Variants in HRH1 observed in about 807,000 individuals in gnomAD.
HRH1 encodes the protein histamine H1 receptor.
In HRH1, 6 loss-of-function variants were observed where a neutral mutation model predicts 10.3. The ratio of observed to expected loss-of-function variants is 0.58; its 90% CI spans 0.32 to 1.15. HRH1 has a LOEUF of 1.15. Ranked by LOEUF, HRH1 falls within the 50% of genes most tolerant of loss-of-function variation. The pLI, the probability that HRH1 is intolerant of heterozygous loss-of-function variation, is 0.05. For missense variants in HRH1, 514 were observed against 615.3 expected (o/e 0.84, Z 1.74); for synonymous variants, 242 against 236.7 (o/e 1.02, Z -0.21).
Position 11,234,147 on chromosome 3 carries a change from T to A in HRH1, c.-35-24856T>A, listed in dbSNP as rs1226958693. 3.2e-5 allele frequency: 22 copies of A among 687,316 alleles called. No individual in the cohort carries two copies. In the East Asian group the frequency reaches 3.5e-4, roughly 11 times the overall value. 42.6% of individuals were successfully genotyped at this position (687,316 alleles called of 1,614,324 possible). ...AAATAAGTTATTTTGTATATTACAG[T>A]GCACAGGACAACAGAGGGAAAGACA... On this transcript the variant is annotated intron_variant, in intron 1 of 1. Coordinates refer to ENST00000431010, the MANE Select transcript of HRH1 (RefSeq NM_001098212.2).
At chr3:11,156,778 G>A (rs1936811961) in intron 1 of HRH1, among the ~76,000 whole-genome samples, 1 of 152,212 alleles carries the variant, frequency 6.6e-6, no homozygotes, top group Non-Finnish European at 1.5e-5. Context: ...CATTGTTGTT[G>A]TTGCTATTAA....
chr3:11,206,753 T>C (rs1938143013), intron 1 of HRH1, among the ~76,000 whole-genome samples: 1 of 152,220 alleles, frequency 6.6e-6, no homozygotes, highest in African/African-American at 2.4e-5. Flanking sequence ...TGTTAAGCCT[T>C]CTATTCAACC....
chr3:11,238,766 TA>T (rs1490709144), intron 1 of HRH1, among the ~76,000 whole-genome samples: 2 of 152,252 alleles, frequency 1.3e-5, no homozygotes, highest in Non-Finnish European at 2.9e-5. Context: ...ACGTTTCATA[TA>T]AATGGAATCA....
chr3:11,194,803 C>T (rs769162749), intron 1 of HRH1, among the ~76,000 whole-genome samples: 5 of 152,216 alleles, frequency 3.3e-5, no homozygotes, highest in African/African-American at 4.8e-5. Context: ...CGACAGAGCG[C>T]GACTCTGTCT....
chr3:11,153,204 T>C (rs1936685678), upstream of HRH1, among the ~76,000 whole-genome samples: 1 of 152,180 alleles, frequency 6.6e-6, no homozygotes, highest in African/African-American at 2.4e-5. Flanking sequence ...TGCCTTCATT[T>C]TCTCACCTGT....
At chr3:11,226,168 G>T (rs1938874121) in intron 1 of HRH1, 1 of 152,124 alleles carries the variant, frequency 6.6e-6, no homozygotes, top group Non-Finnish European at 1.5e-5. Flanking sequence ...ATGGGTCGAA[G>T]GTATTGACAT....
At chr3:11,177,935 C>T (rs566930520) in intron 1 of HRH1, among the ~76,000 whole-genome samples, 4 of 152,320 alleles carry the variant, frequency 2.6e-5, no homozygotes, top group East Asian at 3.9e-4. Context: ...CCCCACCTCC[C>T]TCTGAAGAGA....
chr3:11,244,503 G>C (rs1291894386), intron 1 of HRH1, among the ~76,000 whole-genome samples: 1 of 152,210 alleles, frequency 6.6e-6, no homozygotes, highest in African/African-American at 2.4e-5. Flanking sequence ...GGTACAGGAT[G>C]GTGGTGCTCA....
chr3:11,241,894 C>T (rs987808701), intron 1 of HRH1, among the ~76,000 whole-genome samples: 6 of 147,878 alleles, frequency 4.1e-5, no homozygotes, highest in East Asian at 2.1e-4. Context: ...CACCAATCAG[C>T]GCTCTGTAAA....
intron 1 of HRH1, among the ~76,000 whole-genome samples, chr3:11,169,551 C>T (rs937986729): frequency 3.9e-5 from 6 of 152,130 alleles, no homozygotes; most frequent in Non-Finnish European, 5.9e-5. Context: ...GGGACAAAGG[C>T]TGGCTGGGGC....
At chr3:11,234,682 G>C in intron 1 of HRH1, 1 of 1,143,718 alleles carries the variant, frequency 8.7e-7, no homozygotes, top group Non-Finnish European at 1.3e-6. Context: ...GTAGGACATG[G>C]CTGCAGCCCT....
intron 1 of HRH1, among the ~76,000 whole-genome samples, chr3:11,220,152 A>G (rs996833090): frequency 9.2e-5 from 14 of 152,026 alleles, no homozygotes; most frequent in Admixed American, 8.5e-4. Context: ...ACCTCCTAGC[A>G]TTGTGGTGGG....
At chr3:11,161,527 T>G (rs1437540108) in intron 1 of HRH1, among the ~76,000 whole-genome samples, 1 of 152,196 alleles carries the variant, frequency 6.6e-6, no homozygotes, top group Non-Finnish European at 1.5e-5. Flanking sequence ...ATGGGAAGCC[T>G]GGTTTTCTTT....
chr3:11,144,962 A>C (rs1936401897), intron 1 of HRH1, among the ~76,000 whole-genome samples: 1 of 152,142 alleles, frequency 6.6e-6, no homozygotes, highest in African/African-American at 2.4e-5. Context: ...GCAAGAACCC[A>C]TGAGTTTCCT....
intron 1 of HRH1, among the ~76,000 whole-genome samples, chr3:11,179,259 G>A (rs748205385): frequency 1.3e-5 from 2 of 151,920 alleles, no homozygotes; most frequent in African/African-American, 2.4e-5. Context: ...CTGCACTCCA[G>A]CCTGGGCTAC....
chr3:11,148,866 T>G (rs1374233266), intron 1 of HRH1, among the ~76,000 whole-genome samples: 1 of 150,256 alleles, frequency 6.7e-6, no homozygotes, highest in African/African-American at 2.5e-5. Context: ...ATCACAGTCT[T>G]GTCACATCAT....
intron 1 of HRH1, among the ~76,000 whole-genome samples, chr3:11,244,977 G>T (rs1363155612): frequency 6.6e-6 from 1 of 152,160 alleles, no homozygotes; most frequent in African/African-American, 2.4e-5. Flanking sequence ...AATGGTAAAT[G>T]TCATCACCCA....
At chr3:11,150,729 A>ACTTCCTCTCCCCGGGC (rs1559252570), upstream of HRH1, among the ~76,000 whole-genome samples, 3 of 152,126 alleles carry the variant, frequency 2.0e-5, no homozygotes, top group South Asian at 6.2e-4. Context: ...TGGGCAAGTA[A>ACTTCCTCTCCCCGGGC]CTTCCTCTCC....
intron 1 of HRH1, among the ~76,000 whole-genome samples, chr3:11,213,840 C>T (rs189808138): frequency 2.8e-4 from 42 of 152,344 alleles, no homozygotes; most frequent in African/African-American, 9.9e-4. Flanking sequence ...GGTGGCTGCC[C>T]TGGACTCTTA....
Sources: allele counts gnomAD v4.1 joint callset (sites outside exome capture counted in the v4.1 genomes callset), GRCh38; gene constraint gnomAD v4.1.1; transcripts MANE v1.5; gene names NCBI Gene and HGNC (gene_info 2026-07-23, HGNC 2026-07-21).